UBE2N: variants seen among roughly 807,000 people sequenced by gnomAD.
UBE2N encodes ubiquitin-conjugating enzyme E2 N.
For synonymous variants in UBE2N, 70 were observed against 69.2 expected, an observed-to-expected ratio of 1.01 and a Z score of -0.06; for missense variants, 60 against 192.1, an observed-to-expected ratio of 0.31 and a Z score of 4.07.
chr12:93,441,804 C>T (rs534403568), intron 1 of UBE2N, 51 bp downstream of exon 1: 2 of 1,572,652 alleles, frequency 1.3e-6, no homozygotes, highest in Admixed American at 3.6e-5. Flanking sequence ...GCCTGCCCAG[C>T]TGAGCCGACG....
intron 1 of UBE2N, among the ~76,000 whole-genome samples, chr12:93,427,167 G>C (rs57609495): frequency 2.0e-5 from 3 of 151,998 alleles, no homozygotes; most frequent in Admixed American, 2.0e-4. Context: ...GGATTGGCCC[G>C]CCTCAGCCTC....
intron 1 of UBE2N, among the ~76,000 whole-genome samples, chr12:93,436,064 T>C (rs1466816932): frequency 6.6e-6 from 1 of 152,162 alleles, no homozygotes; most frequent in Non-Finnish European, 1.5e-5. Flanking sequence ...GTAAGTTAAC[T>C]ACTTTTTCCC....
intron 1 of UBE2N, among the ~76,000 whole-genome samples, chr12:93,430,815 A>C (rs182126745): frequency 6.8e-6 from 1 of 148,124 alleles, no homozygotes; most frequent in African/African-American, 2.5e-5. Flanking sequence ...TATATATATA[A>C]AAAATTTTTT....
intron 1 of UBE2N, among the ~76,000 whole-genome samples, chr12:93,416,795 A>T (rs1316999953): frequency 6.7e-6 from 1 of 149,986 alleles, no homozygotes; most frequent in Non-Finnish European, 1.5e-5. Flanking sequence ...CAGGCAGGGG[A>T]ATCACTTGAG....
chr12:93,415,704 C>T (rs1878185291), intron 1 of UBE2N, among the ~76,000 whole-genome samples: 2 of 152,078 alleles, frequency 1.3e-5, no homozygotes, highest in African/African-American at 4.8e-5. Flanking sequence ...TTTAATTTTA[C>T]CCCAGGTCTT....
intron 1 of UBE2N, among the ~76,000 whole-genome samples, chr12:93,430,880 G>C (rs1233369863): frequency 6.6e-6 from 1 of 150,586 alleles, no homozygotes; most frequent in African/African-American, 2.4e-5. Context: ...TCGGGATGCT[G>C]AGGCTGCAGT....
intron 1 of UBE2N, among the ~76,000 whole-genome samples, 176 bp downstream of exon 1, chr12:93,441,679 C>T (rs1480324644): frequency 6.6e-6 from 1 of 152,048 alleles, no homozygotes; most frequent in Non-Finnish European, 1.5e-5. Context: ...CGGAAGTCTC[C>T]CCGGCGCCCC....
chr12:93,411,929 T>A (rs1854409013), intron 1 of UBE2N, among the ~76,000 whole-genome samples: 1 of 152,094 alleles, frequency 6.6e-6, no homozygotes, highest in Admixed American at 6.5e-5. Flanking sequence ...TGGCCTCAAG[T>A]GATTTGCTCG....
chr12:93,416,792 G>A (rs1878226225), intron 1 of UBE2N, among the ~76,000 whole-genome samples: 1 of 149,654 alleles, frequency 6.7e-6, no homozygotes, highest in Non-Finnish European at 1.5e-5. Flanking sequence ...AGGCAGGCAG[G>A]GGAATCACTT....
At chr12:93,440,128 T>C (rs919831955) in intron 1 of UBE2N, among the ~76,000 whole-genome samples, 3 of 152,362 alleles carry the variant, frequency 2.0e-5, no homozygotes, top group South Asian at 4.1e-4. Flanking sequence ...CAGAGAATTA[T>C]CATGAATGTC....
At chr12:93,423,693 T>C (rs1878487394) in intron 1 of UBE2N, among the ~76,000 whole-genome samples, 1 of 152,232 alleles carries the variant, frequency 6.6e-6, no homozygotes, top group African/African-American at 2.4e-5. Flanking sequence ...AAATGTCCCT[T>C]GAACATTTAA....
chr12:93,432,757 T>C (rs1295541157), intron 1 of UBE2N, among the ~76,000 whole-genome samples: 1 of 152,052 alleles, frequency 6.6e-6, no homozygotes, highest in Non-Finnish European at 1.5e-5. Flanking sequence ...AAAGACAACA[T>C]AGCCAGTTGT....
At chr12:93,412,560 G>A (rs932471878) in intron 1 of UBE2N, among the ~76,000 whole-genome samples, 10 of 152,296 alleles carry the variant, frequency 6.6e-5, no homozygotes, top group Admixed American at 1.3e-4. Context: ...GGGTACACTC[G>A]CCAGGAGTTT....
At chr12:93,437,895 T>C (rs1164710954) in intron 1 of UBE2N, among the ~76,000 whole-genome samples, 1 of 152,220 alleles carries the variant, frequency 6.6e-6, no homozygotes, top group Non-Finnish European at 1.5e-5. Flanking sequence ...CTTTCAAATG[T>C]GCTCTATGTG....
At chr12:93,438,647 T>C (rs576118761) in intron 1 of UBE2N, among the ~76,000 whole-genome samples, 19 of 152,050 alleles carry the variant, frequency 1.2e-4, no homozygotes, top group Non-Finnish European at 2.8e-4. Flanking sequence ...GGGAGTAACA[T>C]GGTCTATATT....
chr12:93,432,112 A>T (rs1214538153), intron 1 of UBE2N, among the ~76,000 whole-genome samples: 2 of 152,028 alleles, frequency 1.3e-5, no homozygotes. Flanking sequence ...TGCACCTGTA[A>T]TCCCAGCTAC....
chr12:93,435,991 G>A (rs1193845232), intron 1 of UBE2N, among the ~76,000 whole-genome samples: 2 of 152,106 alleles, frequency 1.3e-5, no homozygotes, highest in African/African-American at 4.8e-5. Flanking sequence ...GCGAAAGACT[G>A]GTAAAATTCT....
Position 93,408,586 on chromosome 12 carries a change from A to T in UBE2N, c.*1453T>A, listed in dbSNP as rs1251100883. 1 of 152,244 alleles carries T rather than the reference A, an allele frequency of 6.6e-6. No individual in the cohort carries two copies. Among genetic ancestry groups the T allele is most frequent in the African/African-American group, 2.4e-5 (1 of 41,464 alleles). The allele number at this position is 152,244 out of a possible 1,614,324, so 9.4% of individuals were successfully genotyped here. A position where few individuals can be genotyped will look rare whatever the true frequency, so the allele number is the denominator to read the frequency against. ...GACTGGCTACATTTATGACTTAAAA[A>T]TAACAAGAATCAGGAATTAGATATG... On this transcript the variant is annotated 3_prime_UTR_variant, in exon 4 of 4. Transcript: ENST00000318066.
chr12:93,425,109 A>G (rs995896140), intron 1 of UBE2N, among the ~76,000 whole-genome samples: 2 of 152,228 alleles, frequency 1.3e-5, no homozygotes, highest in African/African-American at 4.8e-5. Context: ...TGTTCTTTAC[A>G]TTCTAATCCT....
Sources: allele counts gnomAD v4.1 joint callset (sites outside exome capture counted in the v4.1 genomes callset), GRCh38; gene constraint gnomAD v4.1.1; transcripts MANE v1.5; gene names NCBI Gene and HGNC (gene_info 2026-07-23, HGNC 2026-07-21).